NUFIP1: variants seen among roughly 807,000 people sequenced by gnomAD.
NUFIP1 encodes the protein FMR1-interacting protein NUFIP1.
NUFIP1 carries 38 observed loss-of-function variants against 56.2 expected under a neutral mutation model. The ratio of observed to expected loss-of-function variants is 0.68; its 90% CI spans 0.52 to 0.89. The LOEUF is 0.89. Ranked by LOEUF, NUFIP1 falls within the 40% of genes least tolerant of loss-of-function variation. The pLI is 0.00. For missense variants in NUFIP1, 567 were observed against 605.8 expected, an observed-to-expected ratio of 0.94 and a Z score of 0.67; for synonymous variants, 215 against 212.4, an observed-to-expected ratio of 1.01 and a Z score of -0.10.
chr13:44,943,367 C>T, intron 9 of NUFIP1, 75 bp downstream of exon 9: 2 of 1,254,564 alleles, frequency 1.6e-6, no homozygotes, highest in Non-Finnish European at 2.3e-6. Flanking sequence ...CACACACACA[C>T]ACACACACAC....
At chr13:44,972,724 A>G (rs1475518674) in intron 5 of NUFIP1, among the ~76,000 whole-genome samples, 8 of 152,192 alleles carry the variant, frequency 5.3e-5, no homozygotes, top group Admixed American at 5.2e-4. Context: ...CAAAAACTCA[A>G]ATATCCCTTG....
chr13:44,987,786 C>T (rs980221397), intron 1 of NUFIP1, among the ~76,000 whole-genome samples: 2 of 152,192 alleles, frequency 1.3e-5, no homozygotes, highest in Admixed American at 6.5e-5. Context: ...TCAGTTCTCA[C>T]CAACAGACAC....
At chr13:44,977,915 G>A (rs1179805464) in intron 5 of NUFIP1, among the ~76,000 whole-genome samples, 1 of 152,100 alleles carries the variant, frequency 6.6e-6, no homozygotes, top group Non-Finnish European at 1.5e-5. Context: ...CAGGTGTGGG[G>A]GTGCACGCCT....
chr13:44,954,630 C>A (rs1871169371), intron 7 of NUFIP1, among the ~76,000 whole-genome samples: 1 of 152,172 alleles, frequency 6.6e-6, no homozygotes, highest in Admixed American at 6.6e-5. Context: ...CCCACCAACC[C>A]CCATCCCACG....
At chr13:44,976,390 G>A (rs998046384) in intron 5 of NUFIP1, among the ~76,000 whole-genome samples, 1 of 150,400 alleles carries the variant, frequency 6.6e-6, no homozygotes, top group Non-Finnish European at 1.5e-5. Context: ...TGAAGGTGAG[G>A]AGGAGGAGGA....
chr13:44,958,576 T>C (rs1033295752), intron 7 of NUFIP1, among the ~76,000 whole-genome samples: 2 of 152,188 alleles, frequency 1.3e-5, no homozygotes, highest in Admixed American at 6.5e-5. Flanking sequence ...AAACTTGCCA[T>C]GTGATTATCA....
chr13:44,942,835 G>A (rs997044834), intron 9 of NUFIP1, among the ~76,000 whole-genome samples: 4 of 152,016 alleles, frequency 2.6e-5, no homozygotes, highest in Non-Finnish European at 4.4e-5. Context: ...GCATGGTAGT[G>A]CATGCCCATA....
intron 6 of NUFIP1, among the ~76,000 whole-genome samples, chr13:44,961,126 G>A (rs930515597): frequency 7.9e-5 from 12 of 151,956 alleles, no homozygotes; most frequent in East Asian, 5.8e-4. Context: ...GTGTGTGTGC[G>A]GGGGCGGGGA....
intron 5 of NUFIP1, among the ~76,000 whole-genome samples, chr13:44,976,155 G>C (rs964054848): frequency 3.3e-5 from 5 of 152,170 alleles, no homozygotes; most frequent in African/African-American, 1.2e-4. Flanking sequence ...TTAGCAGTTA[G>C]GCCACTTCCA....
rs765029185 is a variant in NUFIP1 at position 44,958,774 on chromosome 13, G to A, written c.1021+607C>T. Reference sequence around the variant, plus strand: ...TTTACATACACATTTCATTTTTCAGGAAGAGAAATGGAGTCTCAAAGGCTA... The same window carrying A: ...TTTACATACACATTTCATTTTTCAGAAAGAGAAATGGAGTCTCAAAGGCTA... On this transcript the variant is annotated intron_variant, in intron 7 of 9. Coordinates refer to ENST00000379161, the MANE Select transcript of NUFIP1 (RefSeq NM_012345.3). Among the ~76,000 whole-genome samples, 27 of 152,332 alleles carry A rather than the reference G, an allele frequency of 1.8e-4. No homozygotes were observed. The South Asian group carries it at 2.7e-3, about 15-fold the overall frequency.
intron 7 of NUFIP1, among the ~76,000 whole-genome samples, chr13:44,958,754 A>G (rs1247191012): frequency 6.6e-6 from 1 of 152,258 alleles, no homozygotes; most frequent in Non-Finnish European, 1.5e-5. Flanking sequence ...AAATATTTAC[A>G]TACACATTTC....
chr13:44,963,070 A>G (rs1871478010), intron 6 of NUFIP1, among the ~76,000 whole-genome samples: 1 of 151,852 alleles, frequency 6.6e-6, no homozygotes, highest in Admixed American at 6.6e-5. Context: ...AATCTCCCCC[A>G]TCCCTCCTCC....
chr13:44,943,555 T>C lies in NUFIP1; in HGVS notation c.1258A>G (p.Ser420Gly), dbSNP rs1480327038. Residue 420 changes from serine to glycine, a missense_variant, in exon 9 of 10, where the codon AGT becomes GGT. Coordinates refer to ENST00000379161, the MANE Select transcript of NUFIP1 (RefSeq NM_012345.3). ...TCAAAGCTTTTCTTTCGGTTCTCACTCTTGGCTTCTGAAAAATTTCTAACA... is the reference window on the plus strand; with the variant it reads ...TCAAAGCTTTTCTTTCGGTTCTCACCCTTGGCTTCTGAAAAATTTCTAACA... ...ATVRNFSEAK[S>G]ENRKKSFEKT... The C allele has an allele frequency of 6.2e-7, 1 of 1,614,182 alleles. No individual in the cohort carries two copies. Among genetic ancestry groups the C allele is most frequent in the African/African-American group, 1.3e-5 (1 of 75,076 alleles).
chr13:44,944,450 C>T (rs1204943139), intron 8 of NUFIP1, among the ~76,000 whole-genome samples: 5 of 151,930 alleles, frequency 3.3e-5, no homozygotes, highest in Admixed American at 6.6e-5. Flanking sequence ...TGCATTGCAG[C>T]GAAAACTGAT....
In NUFIP1 at chr13:44,965,854, T is replaced by C. The variant is rs750922868; in HGVS notation, c.817A>G (p.Thr273Ala). The C allele has an allele frequency of 1.0e-5, 16 of 1,589,238 alleles. No homozygotes were observed. In the South Asian group the frequency reaches 1.7e-4, roughly 17 times the overall value. Residue 273 changes from threonine to alanine, a missense_variant, in exon 6 of 10, where the codon ACA becomes GCA. Coordinates refer to ENST00000379161, the MANE Select transcript of NUFIP1 (RefSeq NM_012345.3). Reference sequence around the variant, plus strand: ...GCATAAGGAGCTTACCCATATTGTGTTGTTGTCAATACTGCTCCTCTCTTC... The same window carrying C: ...GCATAAGGAGCTTACCCATATTGTGCTGTTGTCAATACTGCTCCTCTCTTC... ...KEKRGAVLTT[T>A]QYGKMKGMSR...
intron 8 of NUFIP1, 113 bp from the exon 9 acceptor site, chr13:44,943,787 C>T (rs1351312679): frequency 2.6e-6 from 2 of 754,810 alleles, no homozygotes; most frequent in Non-Finnish European, 4.3e-6. Flanking sequence ...ATATTGTTCA[C>T]TTAATAACTT....
chr13:44,957,809 T>G (rs988239638), intron 7 of NUFIP1, among the ~76,000 whole-genome samples: 2 of 152,218 alleles, frequency 1.3e-5, no homozygotes, highest in Non-Finnish European at 2.9e-5. Flanking sequence ...CTTCAAGTGT[T>G]CATTTAGAAA....
At chr13:44,965,290 C>T (rs1038215119) in intron 6 of NUFIP1, among the ~76,000 whole-genome samples, 4 of 152,184 alleles carry the variant, frequency 2.6e-5, no homozygotes, top group African/African-American at 9.7e-5. Context: ...AACTGTAAGT[C>T]CAGTTAAACC....
intron 1 of NUFIP1, among the ~76,000 whole-genome samples, chr13:44,983,478 C>G (rs1872269398): frequency 6.6e-6 from 1 of 151,732 alleles, no homozygotes; most frequent in South Asian, 2.1e-4. Context: ...CACCCAGCCC[C>G]CCGTCTCAAA....
Sources: allele counts gnomAD v4.1 joint callset (sites outside exome capture counted in the v4.1 genomes callset), GRCh38; gene constraint gnomAD v4.1.1; transcripts MANE v1.5; gene names NCBI Gene and HGNC (gene_info 2026-07-23, HGNC 2026-07-21).